Variants in DMD observed in about 807,000 individuals in gnomAD.
The protein encoded by DMD is mutant dystrophin.
Under a neutral mutation model 330.1 loss-of-function variants are expected in DMD, and 63 were observed. That is an observed-to-expected ratio of 0.19 (90% CI 0.16 to 0.24). The LOEUF is 0.24. DMD is among the 10% of genes least tolerant of loss of function. The probability of loss-of-function intolerance (pLI) is 1.00; values close to 1 mark genes in which losing one functional copy is unlikely to be tolerated. For missense variants in DMD, 3,344 were observed against 2,684.1 expected, an observed-to-expected ratio of 1.25 and a Z score of -5.43; for synonymous variants, 1,223 against 959.8, an observed-to-expected ratio of 1.27 and a Z score of -5.07.
chrX:31,658,348 C>A (rs1483631334), intron 53 of DMD, among the ~76,000 whole-genome samples: 1 of 111,904 alleles, frequency 8.9e-6, no homozygotes, highest in African/African-American at 3.2e-5. Flanking sequence ...TCAAATGCAG[C>A]ATCTTGAGCA....
intron 44 of DMD, among the ~76,000 whole-genome samples, chrX:32,057,465 T>G (rs1483810173): frequency 9.0e-6 from 1 of 110,953 alleles, no homozygotes; most frequent in Non-Finnish European, 1.9e-5. Context: ...TGCGTTTCTA[T>G]ACGCTAGCAA....
At chrX:31,787,958 T>C (rs2091393272) in intron 50 of DMD, among the ~76,000 whole-genome samples, 1 of 112,299 alleles carries the variant, frequency 8.9e-6, no homozygotes, top group African/African-American at 3.2e-5. Context: ...AATTTGGTGT[T>C]TGTTTCTTTA....
chrX:31,485,545 T>C (rs2068729252), intron 57 of DMD, among the ~76,000 whole-genome samples: 1 of 111,416 alleles, frequency 9.0e-6, no homozygotes, highest in Admixed American at 9.6e-5. Context: ...ATTATAAAAA[T>C]ATCTAAATAA....
intron 52 of DMD, among the ~76,000 whole-genome samples, chrX:31,688,232 A>G (rs2082829416): frequency 8.9e-6 from 1 of 111,869 alleles, no homozygotes; most frequent in African/African-American, 3.3e-5. Flanking sequence ...TAAGACTAAT[A>G]AAGAAGAAAA....
At chrX:31,878,003 A>G (rs192756861) in intron 47 of DMD, among the ~76,000 whole-genome samples, 223 of 111,733 alleles carry the variant, frequency 2.0e-3, no homozygotes, top group African/African-American at 6.7e-3. Flanking sequence ...GAAATTGTTC[A>G]CGTTTCATTT....
intron 48 of DMD, among the ~76,000 whole-genome samples, chrX:31,837,432 T>A (rs2093226290): frequency 1.8e-5 from 2 of 111,769 alleles, no homozygotes; most frequent in African/African-American, 6.5e-5. Context: ...CAAAAAAAAA[T>A]CCTTCAGGTA....
intron 44 of DMD, among the ~76,000 whole-genome samples, chrX:32,203,122 A>G (rs927155966): frequency 2.7e-5 from 3 of 112,112 alleles, no homozygotes; most frequent in Non-Finnish European, 5.6e-5. Context: ...TTGCCACTTA[A>G]TATTGGTTGC....
intron 77 of DMD, among the ~76,000 whole-genome samples, chrX:31,129,601 A>G (rs113313837): frequency 1.2e-4 from 14 of 112,299 alleles, no homozygotes; most frequent in African/African-American, 4.5e-4. Flanking sequence ...TGCCCTGGTA[A>G]TGAGAAAGCA....
intron 9 of DMD, among the ~76,000 whole-genome samples, chrX:32,669,549 T>C (rs1009648003): frequency 5.4e-5 from 6 of 111,779 alleles, no homozygotes; most frequent in Admixed American, 1.9e-4. Context: ...TGAAATTTCA[T>C]GTACTTTTTG....
intron 1 of DMD, among the ~76,000 whole-genome samples, chrX:33,111,521 A>C (rs2095339239): frequency 8.9e-6 from 1 of 112,200 alleles, no homozygotes; most frequent in African/African-American, 3.2e-5. Flanking sequence ...TGGTATTGCC[A>C]TACGTGACTT....
At chrX:32,111,395 T>A (rs183887025) in intron 44 of DMD, among the ~76,000 whole-genome samples, 15 of 111,993 alleles carry the variant, frequency 1.3e-4, no homozygotes, top group Admixed American at 3.8e-4. Context: ...TTTACTAAAA[T>A]TTTTTTCTTA....
chrX:31,522,628 T>C (rs1211250596), intron 55 of DMD, among the ~76,000 whole-genome samples: 2 of 109,025 alleles, frequency 1.8e-5, no homozygotes, highest in Non-Finnish European at 3.8e-5. Flanking sequence ...TGAATACAAC[T>C]TAGAGACTGA....
At chrX:31,238,128 G>A (rs936794992) in intron 63 of DMD, among the ~76,000 whole-genome samples, 1 of 111,872 alleles carries the variant, frequency 8.9e-6, no homozygotes, top group African/African-American at 3.3e-5. Context: ...CAGACTCTGA[G>A]TTCCTCTGCC....
chrX:32,926,923 T>G (rs1357728637), intron 2 of DMD, among the ~76,000 whole-genome samples: 2 of 111,364 alleles, frequency 1.8e-5, no homozygotes, highest in Non-Finnish European at 3.8e-5. Flanking sequence ...TTAATTTAAA[T>G]AAAATAAAAT....
In DMD at chrX:31,990,823, G is replaced by A. The variant is rs147283676; in HGVS notation, c.6439-22309C>T. 8.5e-3 allele frequency among the ~76,000 whole-genome samples: 957 copies of A among 111,931 alleles called. 14 individuals are homozygous for A. The highest frequency in any genetic ancestry group is 0.029 in the African/African-American group (893 of 30,867). ...TATAAGATTAAACTATTACTTTCTAGTAGGTTAACACTCCGTGAGGAAACA... is the reference window on the plus strand; with the variant it reads ...TATAAGATTAAACTATTACTTTCTAATAGGTTAACACTCCGTGAGGAAACA... On this transcript the variant is annotated intron_variant, in intron 44 of 78. Coordinates refer to ENST00000357033, the MANE Select transcript of DMD (RefSeq NM_004006.3).
At chrX:33,066,814 T>C (rs924357052) in intron 1 of DMD, among the ~76,000 whole-genome samples, 4 of 112,241 alleles carry the variant, frequency 3.6e-5, no homozygotes, top group African/African-American at 1.3e-4. Context: ...GTCAGAGTTA[T>C]GCTTTGTTTT....
intron 9 of DMD, among the ~76,000 whole-genome samples, chrX:32,664,492 C>G (rs904543197): frequency 3.6e-5 from 4 of 110,118 alleles, no homozygotes; most frequent in African/African-American, 1.3e-4. Flanking sequence ...CCGCCCGCCT[C>G]GGCCTCTCAA....
At chrX:32,012,504 C>G (rs1311136037) in intron 44 of DMD, among the ~76,000 whole-genome samples, 2 of 111,776 alleles carry the variant, frequency 1.8e-5, no homozygotes, top group African/African-American at 3.3e-5. Context: ...CCTCATAATT[C>G]TGAATTGTAC....
At chrX:31,607,812 A>G (rs1462941903) in intron 55 of DMD, among the ~76,000 whole-genome samples, 1 of 112,442 alleles carries the variant, frequency 8.9e-6, no homozygotes, top group East Asian at 2.8e-4. Context: ...ATTTTTATGT[A>G]GACGGTATGA....
Sources: allele counts gnomAD v4.1 joint callset (sites outside exome capture counted in the v4.1 genomes callset), GRCh38; gene constraint gnomAD v4.1.1; transcripts MANE v1.5; gene names NCBI Gene and HGNC (gene_info 2026-07-23, HGNC 2026-07-21).